The following MUC5B variants were observed in gnomAD, a reference collection of about 807,000 sequenced individuals.
MUC5B encodes the protein mucin 5B, oligomeric mucus/gel-forming.
A neutral mutation model predicts 376.9 loss-of-function variants in MUC5B; 116 were observed. The ratio of observed to expected loss-of-function variants is 0.31; its 90% confidence interval spans 0.26 to 0.36. The LOEUF is 0.36. MUC5B is among the 10% of genes least tolerant of loss of function. The pLI, the probability that MUC5B is intolerant of heterozygous loss-of-function variation, is 1.00. For synonymous variants in MUC5B, 3,517 were observed against 3,390.9 expected, an observed-to-expected ratio of 1.04 and a Z score of -1.29; for missense variants, 7,165 against 7,769.9, an observed-to-expected ratio of 0.92 and a Z score of 2.93.
In MUC5B at chr11:1,234,034, T is replaced by C. The variant is rs1410536801; in HGVS notation, c.2378-171T>C. The stretch of plus-strand genomic sequence containing the variant: ...AGGGACGGAGGGGCCAGTGGGTCTC[T>C]GCCCCGCAGTGTGGCCGGGGTGTCC... On this transcript the variant is annotated intron_variant, in intron 19 of 48. Transcript: ENST00000529681. The surrounding 1 kb of genome is among the most constrained non-coding windows in gnomAD (Gnocchi z 6.3). Among the ~76,000 whole-genome samples the C allele has an allele frequency of 6.6e-6, 1 of 152,154 alleles. No individual in the cohort carries two copies. The highest frequency in any genetic ancestry group is 1.5e-5 in the Non-Finnish European group (1 of 68,020).
rs1862908370 is a variant in MUC5B, at chr11:1,258,559, T to C, written c.16593+192T>C. Among the ~76,000 whole-genome samples the C allele has an allele frequency of 6.6e-6, 1 of 152,030 alleles. No individual in the cohort carries two copies. The highest frequency in any genetic ancestry group is 2.1e-4 in the South Asian group (1 of 4,824). On this transcript the variant is annotated intron_variant, in intron 43 of 48. Coordinates refer to ENST00000529681, the MANE Select transcript of MUC5B (RefSeq NM_002458.3). This position sits in a 1 kb window ranked among gnomAD's most constrained non-coding sequence, Gnocchi z 5.5. ...GCACCTTACGTCGACAGCCATGAGC[T>C]CCACAACTGCTGCCTCTGAGAGGTC...
Position 1,257,732 on chromosome 11 carries a change from G to C in MUC5B, c.16450+22G>C, listed in dbSNP as rs1006746720. 6.5e-7 allele frequency: 1 copy of C among 1,528,146 alleles called. No individual in the cohort carries two copies. The highest frequency in any genetic ancestry group is 1.4e-5 in the African/African-American group (1 of 73,002). 94.7% of individuals were successfully genotyped at this position (1,528,146 alleles called of 1,614,324 possible). On this transcript the variant is annotated intron_variant, in intron 41 of 48. Transcript: ENST00000529681. This position sits in a 1 kb window ranked among gnomAD's most constrained non-coding sequence, Gnocchi z 8.9. ...TGCGGTAAGACGCTGCAGAGCAGAG[G>C]TGCCCGGCATAGGGTGAGGGGGGAC...
intron 30 of MUC5B, 141 bp from the exon 31 acceptor site, chr11:1,240,710 G>A: frequency 1.2e-6 from 1 of 824,098 alleles, no homozygotes; most frequent in Non-Finnish European, 1.9e-6. Context: ...CTCTAACCAA[G>A]GCTGAGGCAG....
chr11:1,250,575 T>A lies in MUC5B; in HGVS notation c.13695T>A (p.Leu4565=), dbSNP rs1862650866. Residue 4565 remains leucine (L), a synonymous_variant, in exon 31 of 49, where the codon CTT becomes CTA. Transcript: ENST00000529681. ...TPETVHTSTV[L]TATATTTGAT... The stretch of plus-strand genomic sequence containing the variant: ...AGACTGTCCACACCTCCACAGTGCT[T>A]ACCGCCACGGCCACCACAACCGGGG... The A allele has an allele frequency of 6.2e-7, 1 of 1,609,558 alleles. No homozygotes were observed. Among genetic ancestry groups the A allele is most frequent in the African/African-American group, 1.4e-5 (1 of 73,008 alleles).
intron 1 of MUC5B, chr11:1,223,546 A>G (rs1861807471): frequency 2.5e-6 from 1 of 404,544 alleles, no homozygotes; most frequent in South Asian, 2.1e-5. Flanking sequence ...GAGCCCCATG[A>G]GGCCCAGGCA....
chr11:1,261,482 C>G lies in MUC5B; in HGVS notation c.17163C>G (p.Asn5721Lys), dbSNP rs371820956. 6.3e-7 allele frequency: 1 copy of G among 1,578,238 alleles called. No individual in the cohort carries two copies. The highest frequency in any genetic ancestry group is 2.3e-5 in the East Asian group (1 of 42,760). ...AGACGGTGCCCTTGCACTGTCCTAA[C>G]GGCTCAGCCATCCTGCACACCTACA... ...HEETVPLHCP[N>K]GSAILHTYTH... The change falls in exon 49 of 49, where the codon AAC (asparagine) becomes AAG (lysine). Residue 5721 changes from asparagine (N) to lysine (K), a missense_variant. This residue lies in a region of MUC5B where 842 missense variants were observed against 1,016.9 expected (regional missense o/e 0.83). Transcript: ENST00000529681.
At position 1,251,136 on chromosome 11, in the gene MUC5B, C is replaced by T. The variant is rs1244614020; in HGVS notation, c.14256C>T (p.Pro4752=). ...ATKSTATSFT[P]IPSSTLWTTW... is the part of the protein sequence containing the mutation. ...AATCCACAGCTACCAGCTTTACACCCATCCCCTCCTCCACCCTGTGGACCA... is the reference window on the plus strand; with the variant it reads ...AATCCACAGCTACCAGCTTTACACCTATCCCCTCCTCCACCCTGTGGACCA... The change falls in exon 31 of 49, where the codon CCC becomes CCT. Residue 4752 remains proline, a synonymous_variant. Coordinates refer to ENST00000529681, the MANE Select transcript of MUC5B (RefSeq NM_002458.3). The T allele has an allele frequency of 2.5e-6, 4 of 1,611,212 alleles. No homozygotes were observed. The African/African-American group carries it at 4.0e-5, about 16-fold the overall frequency.
Position 1,252,533 on chromosome 11 carries a change from C to T in MUC5B, c.15045+9C>T, listed in dbSNP as rs766297642. On this transcript the variant is annotated intron_variant, in intron 32 of 48. Transcript: ENST00000529681. ...CCATCCCTCTCCGGCAGGTGGGCCC[C>T]GCCTGCCCTCCACCTCCCGTGCTGC... 30 of 1,533,576 alleles carry T rather than the reference C, an allele frequency of 2.0e-5. No individual in the cohort carries two copies. Among genetic ancestry groups the T allele is most frequent in the South Asian group, 6.3e-5 (5 of 79,234 alleles). The allele number at this position is 1,533,576 out of a possible 1,614,324, so 95.0% of individuals were successfully genotyped here. A position where few individuals can be genotyped will look rare whatever the true frequency, so the allele number is the denominator to read the frequency against.
intron 34 of MUC5B, 135 bp from the exon 35 acceptor site, chr11:1,254,559 G>C: frequency 8.2e-7 from 1 of 1,212,758 alleles, no homozygotes; most frequent in Non-Finnish European, 1.1e-6. Context: ...AGGCCCCCAG[G>C]GAAGATCTGG....
Position 1,226,596 on chromosome 11 carries a change from C to T in MUC5B, c.200-19C>T, listed in dbSNP as rs372556544. 4.7e-5 allele frequency: 75 copies of T among 1,598,350 alleles called. No homozygotes were observed. Among genetic ancestry groups the T allele is most frequent in the Middle Eastern group, 1.7e-4 (1 of 6,060 alleles). ...GGGGGGCTGGCATGGGGATGGGCCT[C>T]ATCCCGCGCTCCCCACAGCCCTGAA... On this transcript the variant is annotated intron_variant, in intron 3 of 48. Transcript: ENST00000529681.
chr11:1,249,157 A>T lies in MUC5B; in HGVS notation c.12277A>T (p.Thr4093Ser). ...GTTTPGHTTA[T>S]SRTTATATPS... is the part of the protein sequence containing the mutation. ...GACCACCCCGGGCCACACCACGGCC[A>T]CCTCCAGGACCACGGCCACGGCCAC... is the stretch of plus-strand genomic sequence containing the variant. The change falls in exon 31 of 49, where the codon ACC becomes TCC. Residue 4093 changes from threonine to serine, a missense_variant. Thr to Ser is a moderately conservative substitution (Grantham distance 58). Around this residue, in one of 31 missense-constraint regions of MUC5B, gnomAD observed 85 missense variants for 78.2 expected, o/e 1.09. Transcript: ENST00000529681. The T allele has an allele frequency of 1.2e-6, 2 of 1,609,430 alleles. No individual in the cohort carries two copies. The highest frequency in any genetic ancestry group is 8.5e-7 in the Non-Finnish European group (1 of 1,179,124).
rs370129064 is a variant in MUC5B at position 1,250,653 on chromosome 11, C to T, written c.13773C>T (p.Thr4591=). The change falls in exon 31 of 49, where the codon ACC becomes ACT. Residue 4591 remains threonine, a synonymous_variant. Coordinates refer to ENST00000529681, the MANE Select transcript of MUC5B (RefSeq NM_002458.3). ...PSSTPGTAHT[T]KVPTTTTTGF... ...CCACCCCAGGAACAGCTCACACTACCAAAGTGCCGACTACCACAACCACGG... is the reference window on the plus strand; with the variant it reads ...CCACCCCAGGAACAGCTCACACTACTAAAGTGCCGACTACCACAACCACGG... 41 of 1,612,618 alleles carry T rather than the reference C, an allele frequency of 2.5e-5. No individual in the cohort carries two copies. The African/African-American group carries it at 4.7e-4, about 18-fold the overall frequency.
chr11:1,249,134 C>G lies in MUC5B; in HGVS notation c.12254C>G (p.Thr4085Ser). 1 of 1,611,372 alleles carries G rather than the reference C, an allele frequency of 6.2e-7. No individual in the cohort carries two copies. Among genetic ancestry groups the G allele is most frequent in the Non-Finnish European group, 8.5e-7 (1 of 1,179,540 alleles). ...TTESPPSPGT[T>S]TPGHTTATSR... ...GAGTCACCCCCTTCCCCAGGGACGACCACCCCGGGCCACACCACGGCCACC... is the reference window on the plus strand; with the variant it reads ...GAGTCACCCCCTTCCCCAGGGACGAGCACCCCGGGCCACACCACGGCCACC... The change falls in exon 31 of 49, where the codon ACC becomes AGC. Residue 4085 changes from threonine to serine, a missense_variant. Physicochemically the swap from Thr to Ser is moderately conservative, Grantham distance 58. Around this residue, in one of 31 missense-constraint regions of MUC5B, gnomAD observed 85 missense variants for 78.2 expected, o/e 1.09. Coordinates refer to ENST00000529681, the MANE Select transcript of MUC5B (RefSeq NM_002458.3).
In MUC5B at chr11:1,224,941, C is replaced by T. The variant is rs569558363; in HGVS notation, c.71-740C>T. ...GAGCTCTGGGGTCCTGTGAAGGGGGCGCCCCAACCCAAACTGGGCAGACAA... is the reference window on the plus strand; with the variant it reads ...GAGCTCTGGGGTCCTGTGAAGGGGGTGCCCCAACCCAAACTGGGCAGACAA... On this transcript the variant is annotated intron_variant, in intron 1 of 48. Transcript: ENST00000529681. 9.8e-5 allele frequency among the ~76,000 whole-genome samples: 15 copies of T among 152,288 alleles called. No individual in the cohort carries two copies. The South Asian group carries it at 1.2e-3, about 13-fold the overall frequency.
chr11:1,247,485 C>T lies in MUC5B; in HGVS notation c.10605C>T (p.Gly3535=), dbSNP rs1422468272. 8.1e-6 allele frequency: 13 copies of T among 1,608,152 alleles called. 2 individuals carry two copies. The highest frequency in any genetic ancestry group is 1.0e-5 in the Non-Finnish European group (12 of 1,177,608). The change falls in exon 31 of 49, where the codon GGC becomes GGT. Residue 3535 remains glycine, a synonymous_variant. Coordinates refer to ENST00000529681, the MANE Select transcript of MUC5B (RefSeq NM_002458.3). ...CGACCACCCCGGGCCACACCAGGGG[C>T]ACCTCCAGGACCACAGCCACAGCCA... The part of the protein sequence containing the change: ...PGTTTPGHTR[G]TSRTTATATP...
At chr11:1,226,966 G>C (rs949255999) in intron 4 of MUC5B, 65 bp from the exon 5 acceptor site, 5 of 1,569,562 alleles carry the variant, frequency 3.2e-6, no homozygotes, top group Admixed American at 1.8e-5. Flanking sequence ...CAGGGCTGGG[G>C]GGGGGTTGGG....
intron 32 of MUC5B, 141 bp from the exon 33 acceptor site, chr11:1,252,668 G>A: frequency 2.2e-6 from 3 of 1,384,738 alleles, no homozygotes; most frequent in Non-Finnish European, 2.9e-6. Flanking sequence ...ACAGGGCCTA[G>A]GGGCCAGGCT....
chr11:1,225,113 C>T (rs546275553), intron 1 of MUC5B, among the ~76,000 whole-genome samples: 2 of 152,330 alleles, frequency 1.3e-5, no homozygotes, highest in Non-Finnish European at 2.9e-5. Flanking sequence ...ACAGCTTGCG[C>T]GGCCCAGAGT....
chr11:1,240,467 C>T (rs143844682), intron 30 of MUC5B, 92 bp downstream of exon 30: 57 of 1,208,972 alleles, frequency 4.7e-5, no homozygotes, highest in African/African-American at 2.1e-4. Flanking sequence ...TGTATGGTAG[C>T]GACAGTCCCA....
Sources: allele counts gnomAD v4.1 joint callset (sites outside exome capture counted in the v4.1 genomes callset), GRCh38; gene constraint gnomAD v4.1.1; regional missense constraint gnomAD v4.1.1; non-coding constraint Gnocchi (gnomAD v3.1); transcripts MANE v1.5; gene names NCBI Gene and HGNC (gene_info 2026-07-23, HGNC 2026-07-21).